USO1: variants seen among roughly 807,000 people sequenced by gnomAD.
USO1 encodes the protein general vesicular transport factor p115.
USO1 carries 57 observed loss-of-function variants against 124.5 expected under a neutral mutation model. The observed-to-expected ratio is 0.46, with a 90% confidence interval of 0.37 to 0.57. USO1 has a LOEUF of 0.57. Among genes scored for constraint, USO1 ranks in the 20% least tolerant of loss-of-function variants. The pLI is 0.00. For synonymous variants in USO1, 369 were observed against 362.8 expected (o/e 1.02, Z -0.19); for missense variants, 900 against 1,040.6 (o/e 0.86, Z 1.86).
At chr4:75,793,984 A>G (rs1030206974) in intron 13 of USO1, 83 bp downstream of exon 13, 138 of 1,558,746 alleles carry the variant, frequency 8.9e-5, no homozygotes, top group Non-Finnish European at 1.2e-4. Context: ...GAAGATGCAG[A>G]TGAAAAAGGA....
intron 1 of USO1, chr4:75,744,983 A>G (rs1437430027): frequency 6.5e-6 from 3 of 460,956 alleles, no homozygotes; most frequent in Non-Finnish European, 1.3e-5. Context: ...TAGGACCCCA[A>G]GCCTCTTAAA....
At chr4:75,790,535 T>G in intron 11 of USO1, 108 bp from the exon 12 acceptor site, 1 of 1,444,292 alleles carries the variant, frequency 6.9e-7, no homozygotes, top group Non-Finnish European at 9.1e-7. Context: ...ATACTTAACT[T>G]GCTGGTGTTC....
chr4:75,776,372 T>G (rs538674375), intron 8 of USO1, among the ~76,000 whole-genome samples: 9 of 152,294 alleles, frequency 5.9e-5, no homozygotes, highest in Middle Eastern at 3.4e-3. Flanking sequence ...TTAACCAATA[T>G]CTGAGAGTTG....
At chr4:75,773,365 TAA>T (rs71210203) in intron 7 of USO1, among the ~76,000 whole-genome samples, 82,959 of 151,632 alleles carry the variant, frequency 0.55, 23,933 homozygotes, top group East Asian at 0.81. Context: ...GAAAAGAAAC[TAA>T]AATATACTAA....
chr4:75,787,351 A>T, intron 10 of USO1, 149 bp downstream of exon 10: 4 of 1,129,578 alleles, frequency 3.5e-6, no homozygotes, highest in Non-Finnish European at 4.6e-6. Context: ...TAATTCACAT[A>T]ATGATAAAAG....
chr4:75,806,033 C>T (rs1261128114), intron 19 of USO1, among the ~76,000 whole-genome samples: 1 of 151,908 alleles, frequency 6.6e-6, no homozygotes, highest in Non-Finnish European at 1.5e-5. Context: ...CTCTGTTAGC[C>T]CAGTCTGGAG....
intron 3 of USO1, chr4:75,755,568 T>G: frequency 2.0e-6 from 1 of 504,868 alleles, no homozygotes; most frequent in Non-Finnish European, 3.9e-6. Context: ...TATGCCCAGC[T>G]GCTTGTCCAT....
chr4:75,771,342 C>G (rs1721926927), intron 7 of USO1, among the ~76,000 whole-genome samples: 1 of 152,122 alleles, frequency 6.6e-6, no homozygotes, highest in Non-Finnish European at 1.5e-5. Context: ...TCAAGCAATC[C>G]TCCTGTCTTG....
intron 1 of USO1, among the ~76,000 whole-genome samples, chr4:75,727,071 C>G (rs564041110): frequency 3.9e-5 from 6 of 152,102 alleles, no homozygotes; most frequent in African/African-American, 1.4e-4. Context: ...GTGGGTTGAA[C>G]GAAGAATACC....
At chr4:75,728,404 C>T (rs1720526453) in intron 1 of USO1, among the ~76,000 whole-genome samples, 1 of 152,202 alleles carries the variant, frequency 6.6e-6, no homozygotes, top group Non-Finnish European at 1.5e-5. Context: ...AGATGGAGCA[C>T]TTGAGGTCAG....
intron 1 of USO1, among the ~76,000 whole-genome samples, chr4:75,727,188 G>C (rs1720488838): frequency 1.3e-5 from 2 of 152,186 alleles, no homozygotes; most frequent in Non-Finnish European, 2.9e-5. Flanking sequence ...CCCAGATAGA[G>C]CCTCTTCATT....
chr4:75,758,892 A>C (rs1721517237), intron 4 of USO1, among the ~76,000 whole-genome samples: 2 of 152,238 alleles, frequency 1.3e-5, no homozygotes, highest in African/African-American at 4.8e-5. Context: ...TATACTTTGA[A>C]GAAAAAGATA....
At chr4:75,742,519 A>G (rs529558270) in intron 1 of USO1, among the ~76,000 whole-genome samples, 1 of 152,352 alleles carries the variant, frequency 6.6e-6, no homozygotes, top group African/African-American at 2.4e-5. Flanking sequence ...CTATTCTGTA[A>G]TCTTACCTAT....
intron 3 of USO1, among the ~76,000 whole-genome samples, chr4:75,753,033 C>T (rs1226020615): frequency 2.7e-5 from 4 of 149,606 alleles, no homozygotes; most frequent in Non-Finnish European, 1.5e-5. Context: ...TATTCATTTA[C>T]ATATAATATA....
chr4:75,790,984 C>T (rs556814915), intron 12 of USO1, among the ~76,000 whole-genome samples, 187 bp downstream of exon 12: 3 of 151,520 alleles, frequency 2.0e-5, no homozygotes, highest in African/African-American at 7.3e-5. Context: ...TGGAGTCAGA[C>T]CAGAGTTTGC....
At chr4:75,812,042 CT>C in intron 22 of USO1, 117 bp from the exon 23 acceptor site, 1 of 1,465,560 alleles carries the variant, frequency 6.8e-7, no homozygotes, top group Non-Finnish European at 9.1e-7. Flanking sequence ...ACCTCCACCC[CT>C]AAATTCCTTA....
intron 4 of USO1, among the ~76,000 whole-genome samples, chr4:75,767,273 C>T (rs1308426507): frequency 6.6e-6 from 1 of 152,168 alleles, no homozygotes; most frequent in Non-Finnish European, 1.5e-5. Context: ...ACCCAGACCT[C>T]TCCCCTGAAG....
At chr4:75,805,343 A>G in intron 19 of USO1, 40 bp downstream of exon 19, 1 of 1,492,610 alleles carries the variant, frequency 6.7e-7, no homozygotes, top group Non-Finnish European at 8.9e-7. Flanking sequence ...AGAGTTCAAG[A>G]GTGGTTCTCA....
At position 75,730,149 on chromosome 4, in the gene USO1, G is replaced by T. The variant is rs578063093; in HGVS notation, c.66+5264G>T. Among the ~76,000 whole-genome samples the T allele has an allele frequency of 4.6e-5, 7 of 152,240 alleles. No individual in the cohort carries two copies. In the East Asian group the frequency reaches 9.6e-4, roughly 21 times the overall value. On this transcript the variant is annotated intron_variant, in intron 1 of 23. Transcript: ENST00000514213. ...TATATCGAAGCACTCTTTTTAAGTA[G>T]GGCCTATTGAATACTACATGGCTTT...
Sources: gnomAD v4.1 joint callset for allele counts (sites outside exome capture counted in the v4.1 genomes callset) on GRCh38, gnomAD v4.1.1 for gene constraint, MANE v1.5 for transcripts, NCBI Gene and HGNC (gene_info 2026-07-23, HGNC 2026-07-21) for gene names.